The following TTC29 variants were observed in gnomAD, a reference collection of about 807,000 sequenced individuals.
TTC29 encodes tetratricopeptide repeat domain 29.
A neutral mutation model predicts 58.1 loss-of-function variants in TTC29; 49 were observed. That is an observed-to-expected ratio of 0.84 (90% confidence interval 0.67 to 1.07). The LOEUF (loss-of-function observed/expected upper bound fraction) is 1.07, where lower values mean the gene tolerates loss of function less well. TTC29 is among the 50% of genes least tolerant of loss of function. The pLI, the probability that TTC29 is intolerant of heterozygous loss-of-function variation, is 0.00. For missense variants in TTC29, 582 were observed against 555.6 expected (o/e 1.05, Z -0.48); for synonymous variants, 209 against 196.8 (o/e 1.06, Z -0.52).
At chr4:146,889,140 T>C (rs1732186366) in intron 6 of TTC29, among the ~76,000 whole-genome samples, 1 of 152,128 alleles carries the variant, frequency 6.6e-6, no homozygotes, top group Non-Finnish European at 1.5e-5. Context: ...AATATTTGTG[T>C]CCTTTATTTT....
rs188244286 is a variant in TTC29, at chr4:146,839,536, G to A, written c.886-5639C>T. On this transcript the variant is annotated intron_variant, in intron 8 of 12. Coordinates refer to ENST00000325106, the MANE Select transcript of TTC29 (RefSeq NM_031956.4). ...GATTTCACCAGTTTTACATGAACTC[G>A]TGTGTGTGTGTGTGTGTGTGTGTGT... Among the ~76,000 whole-genome samples, 114 of 42,072 alleles carry A rather than the reference G, an allele frequency of 2.7e-3. 1 individual carries two copies. The highest frequency in any genetic ancestry group is 0.023 in the African/African-American group (101 of 4,332). The allele number at this position is 42,072 out of a possible 152,430, so 27.6% of individuals were successfully genotyped here.
chr4:146,900,546 T>G (rs772912327), intron 6 of TTC29, among the ~76,000 whole-genome samples: 1 of 152,182 alleles, frequency 6.6e-6, no homozygotes, highest in African/African-American at 2.4e-5. Context: ...AGGTGCAACA[T>G]GGTGCCGTGC....
intron 11 of TTC29, among the ~76,000 whole-genome samples, chr4:146,739,985 T>A (rs530899000): frequency 4.5e-4 from 69 of 152,138 alleles, no homozygotes; most frequent in Non-Finnish European, 7.2e-4. Context: ...AAAAGTCTCC[T>A]AAGGACTTTA....
chr4:146,811,276 T>C (rs1471046791), intron 10 of TTC29, among the ~76,000 whole-genome samples: 1 of 152,152 alleles, frequency 6.6e-6, no homozygotes, highest in African/African-American at 2.4e-5. Flanking sequence ...CTTTCACATG[T>C]CACCCTATGA....
At chr4:146,864,537 C>T (rs1473356371) in intron 8 of TTC29, among the ~76,000 whole-genome samples, 1 of 152,188 alleles carries the variant, frequency 6.6e-6, no homozygotes, top group Non-Finnish European at 1.5e-5. Context: ...TTACCACAAA[C>T]TAAATGACTT....
At chr4:146,923,941 AT>A (rs1399104866) in intron 4 of TTC29, among the ~76,000 whole-genome samples, 1 of 151,420 alleles carries the variant, frequency 6.6e-6, no homozygotes, top group Non-Finnish European at 1.5e-5. Flanking sequence ...ATAACAGAAT[AT>A]ATATGTACAT....
intron 10 of TTC29, among the ~76,000 whole-genome samples, chr4:146,807,151 C>G (rs1253219938): frequency 2.0e-5 from 3 of 152,042 alleles, no homozygotes; most frequent in Admixed American, 2.0e-4. Flanking sequence ...GGGTAAATAA[C>G]AAAATTAAGG....
At chr4:146,833,369 C>T (rs1455920149) in intron 9 of TTC29, among the ~76,000 whole-genome samples, 1 of 152,030 alleles carries the variant, frequency 6.6e-6, no homozygotes, top group Non-Finnish European at 1.5e-5. Context: ...ATTGTTTATC[C>T]AGATGTGCTC....
At chr4:146,778,127 C>CTAT (rs1396648885) in intron 11 of TTC29, among the ~76,000 whole-genome samples, 3 of 148,798 alleles carry the variant, frequency 2.0e-5, no homozygotes, top group Non-Finnish European at 4.4e-5. Flanking sequence ...TCTTTGTGCT[C>CTAT]TATTTTATTT....
chr4:146,934,893 A>G (rs948698267), intron 4 of TTC29, among the ~76,000 whole-genome samples: 2 of 152,162 alleles, frequency 1.3e-5, no homozygotes, highest in Non-Finnish European at 2.9e-5. Flanking sequence ...CATTTCAGTA[A>G]GTATGGGGGC....
At chr4:146,838,690 C>T (rs754455171) in intron 8 of TTC29, among the ~76,000 whole-genome samples, 1 of 151,840 alleles carries the variant, frequency 6.6e-6, no homozygotes, top group Non-Finnish European at 1.5e-5. Context: ...CTACTTAATG[C>T]GAATTTTTTT....
intron 11 of TTC29, among the ~76,000 whole-genome samples, chr4:146,782,061 C>T (rs1183472855): frequency 1.3e-5 from 2 of 151,628 alleles, no homozygotes; most frequent in East Asian, 3.9e-4. Flanking sequence ...GCTATTTAGC[C>T]AATGAAAACA....
At position 146,728,895 on chromosome 4, in the gene TTC29, G is replaced by GTGTA. The variant is rs1554006165; in HGVS notation, c.1331-21345_1331-21344insTACA. On this transcript the variant is annotated intron_variant, in intron 11 of 12. Coordinates refer to ENST00000325106, the MANE Select transcript of TTC29 (RefSeq NM_031956.4). ...TGTGTGTATATATATATGTGTGTAT[G>GTGTA]TATATATATATGTACGTATCTGTCT... Among the ~76,000 whole-genome samples, 5 of 84,422 alleles carry GTGTA rather than the reference G, an allele frequency of 5.9e-5. 1 individual carries two copies. Among genetic ancestry groups the GTGTA allele is most frequent in the South Asian group, 4.4e-4 (1 of 2,248 alleles). The allele number at this position is 84,422 out of a possible 152,430, so 55.4% of individuals were successfully genotyped here.
chr4:146,845,707 A>C (rs1327739441), intron 8 of TTC29, among the ~76,000 whole-genome samples: 1 of 152,138 alleles, frequency 6.6e-6, no homozygotes, highest in African/African-American at 2.4e-5. Context: ...CCTTTCACTA[A>C]GGAATGGGCC....
chr4:146,738,136 C>T (rs1031144114), intron 11 of TTC29, among the ~76,000 whole-genome samples: 5 of 152,158 alleles, frequency 3.3e-5, no homozygotes, highest in African/African-American at 1.2e-4. Context: ...GTATTGCTCC[C>T]AGCGATCTGG....
intron 8 of TTC29, among the ~76,000 whole-genome samples, chr4:146,857,951 AT>A (rs1336998308): frequency 1.3e-5 from 2 of 152,226 alleles, no homozygotes; most frequent in Non-Finnish European, 2.9e-5. Context: ...GTACTACGTA[AT>A]GTACATATCA....
chr4:146,778,997 AAAAAAAG>A (rs1340356976), intron 11 of TTC29, among the ~76,000 whole-genome samples: 8 of 126,890 alleles, frequency 6.3e-5, no homozygotes, highest in African/African-American at 2.0e-4. Context: ...AAAAAAAAAA[AAAAAAAG>A]AAAAGAAAAG....
At chr4:146,773,754 G>A (rs1346984213) in intron 11 of TTC29, among the ~76,000 whole-genome samples, 1 of 151,382 alleles carries the variant, frequency 6.6e-6, no homozygotes, top group Non-Finnish European at 1.5e-5. Flanking sequence ...TGGTCTCATA[G>A]AATGAATAAG....
intron 10 of TTC29, among the ~76,000 whole-genome samples, chr4:146,816,554 C>T (rs1300728780): frequency 6.6e-6 from 1 of 151,772 alleles, no homozygotes; most frequent in Non-Finnish European, 1.5e-5. Flanking sequence ...TAGGATGACC[C>T]AGGGGTCAGA....
Sources: allele counts gnomAD v4.1 joint callset (sites outside exome capture counted in the v4.1 genomes callset), GRCh38; gene constraint gnomAD v4.1.1; transcripts MANE v1.5; gene names NCBI Gene and HGNC (gene_info 2026-07-23, HGNC 2026-07-21).